The following MYO3B variants were observed in gnomAD, a reference collection of about 807,000 sequenced individuals.
The protein encoded by MYO3B is myosin IIIB.
Under a neutral mutation model 174.6 loss-of-function variants are expected in MYO3B, and 156 were observed. That is an observed-to-expected ratio of 0.89 (90% CI 0.78 to 1.02). MYO3B has a LOEUF of 1.02. MYO3B is among the 50% of genes least tolerant of loss of function. The pLI is 0.00. For missense variants in MYO3B, 1,632 were observed against 1,639.4 expected (o/e 1.00, Z 0.08); for synonymous variants, 563 against 569.1 (o/e 0.99, Z 0.15).
chr2:170,569,422 C>T (rs1421081211), intron 32 of MYO3B, among the ~76,000 whole-genome samples: 1 of 152,030 alleles, frequency 6.6e-6, no homozygotes, highest in Non-Finnish European at 1.5e-5. Context: ...ATCTGTGGAC[C>T]TGAACTTGAA....
intron 13 of MYO3B, 55 bp downstream of exon 13, chr2:170,386,327 C>A: frequency 7.0e-7 from 1 of 1,419,492 alleles, no homozygotes; most frequent in Non-Finnish European, 9.9e-7. Context: ...AGAGTAACTG[C>A]ATATTTGATA....
At position 170,279,902 on chromosome 2, in the gene MYO3B, T is replaced by C. The variant is rs113404938; in HGVS notation, c.749+43766T>C. Among the ~76,000 whole-genome samples the C allele has an allele frequency of 4.5e-3, 685 of 152,338 alleles. 8 individuals are homozygous for C. The highest frequency in any genetic ancestry group is 0.016 in the African/African-American group (648 of 41,582). ...TTAGGTTGATTCCATGTCTTTGCTA[T>C]TGTGAATAGAGCTGCAGTAAACATT... is the stretch of plus-strand genomic sequence containing the variant. On this transcript the variant is annotated intron_variant, in intron 7 of 34. Transcript: ENST00000408978.
Position 170,413,082 on chromosome 2 carries a change from C to A in MYO3B, c.2650+5238C>A, listed in dbSNP as rs10497372. On this transcript the variant is annotated intron_variant, in intron 22 of 34. Coordinates refer to ENST00000408978, the MANE Select transcript of MYO3B (RefSeq NM_138995.5). ...AATCCCAAAATGTATAAAAGATGAA[C>A]AAAAAATCTACATTCTGAACAGGCA... 3.3e-5 allele frequency among the ~76,000 whole-genome samples: 5 copies of A among 152,026 alleles called. No individual in the cohort carries two copies. The South Asian group carries it at 6.2e-4, about 19-fold the overall frequency.
chr2:170,400,629 T>C (rs1394748340), intron 17 of MYO3B, among the ~76,000 whole-genome samples: 1 of 124,154 alleles, frequency 8.1e-6, no homozygotes, highest in South Asian at 3.1e-4. Flanking sequence ...GGTCTTGAAC[T>C]CCTGACCTCA....
chr2:170,448,769 A>G (rs1192907400), intron 23 of MYO3B, among the ~76,000 whole-genome samples: 3 of 149,588 alleles, frequency 2.0e-5, no homozygotes, highest in African/African-American at 7.4e-5. Flanking sequence ...CTCAAGAACA[A>G]CTAACAACAG....
chr2:170,395,985 T>A (rs533653870), intron 16 of MYO3B, among the ~76,000 whole-genome samples: 62 of 152,292 alleles, frequency 4.1e-4, no homozygotes, highest in African/African-American at 1.4e-3. Context: ...GAAGAAAATA[T>A]CAGACATCCT....
At chr2:170,368,916 G>A (rs766764438) in intron 8 of MYO3B, among the ~76,000 whole-genome samples, 12 of 152,108 alleles carry the variant, frequency 7.9e-5, no homozygotes, top group South Asian at 4.1e-4. Context: ...ATGAAAATGC[G>A]GATAGAAAAT....
chr2:170,422,715 C>G (rs1386259222), intron 22 of MYO3B, among the ~76,000 whole-genome samples: 1 of 151,920 alleles, frequency 6.6e-6, no homozygotes, highest in Admixed American at 6.6e-5. Context: ...CTTGGCCCCC[C>G]AAAGTGCTGG....
chr2:170,264,107 C>T (rs1358877560), intron 7 of MYO3B, among the ~76,000 whole-genome samples: 1 of 152,184 alleles, frequency 6.6e-6, no homozygotes, highest in African/African-American at 2.4e-5. Flanking sequence ...AACCTTGAGT[C>T]AACACAGCAC....
intron 32 of MYO3B, among the ~76,000 whole-genome samples, chr2:170,651,242 C>T (rs1244427556): frequency 6.6e-6 from 1 of 152,172 alleles, no homozygotes; most frequent in African/African-American, 2.4e-5. Flanking sequence ...TTTTTGAACT[C>T]TCATTGCAGG....
chr2:170,534,944 A>T (rs1166737805), intron 30 of MYO3B, among the ~76,000 whole-genome samples: 2 of 152,174 alleles, frequency 1.3e-5, no homozygotes, highest in African/African-American at 4.8e-5. Flanking sequence ...GTATTCAGGG[A>T]TATCAATTCC....
intron 9 of MYO3B, among the ~76,000 whole-genome samples, chr2:170,370,624 TACACACACACACACACACACAC>T (rs55790344): frequency 1.4e-3 from 180 of 129,544 alleles, no homozygotes; most frequent in African/African-American, 4.0e-3. Context: ...ACCACCCACC[TACACACACACACACACACACAC>T]ACACACACAC....
chr2:170,220,771 A>T (rs895823903), intron 6 of MYO3B, among the ~76,000 whole-genome samples: 1 of 152,076 alleles, frequency 6.6e-6, no homozygotes, highest in Admixed American at 6.6e-5. Context: ...CAGTGGATCA[A>T]TTGAAAAGTA....
intron 27 of MYO3B, 111 bp downstream of exon 27, chr2:170,499,919 TC>T (rs1275689560): frequency 6.7e-6 from 5 of 749,710 alleles, no homozygotes; most frequent in African/African-American, 5.4e-5. Flanking sequence ...CCCTTCCTTC[TC>T]CCCTCCCTCC....
At chr2:170,304,980 A>G (rs1199486194) in intron 7 of MYO3B, among the ~76,000 whole-genome samples, 1 of 149,226 alleles carries the variant, frequency 6.7e-6, no homozygotes, top group Non-Finnish European at 1.5e-5. Context: ...TTTGAATTCT[A>G]TTTCATGCTT....
At chr2:170,463,235 G>A in intron 23 of MYO3B, 133 bp from the exon 24 acceptor site, 1 of 642,660 alleles carries the variant, frequency 1.6e-6, no homozygotes, top group Non-Finnish European at 2.7e-6. Context: ...TCTCCCCACA[G>A]TATACACTAT....
chr2:170,463,685 GCCA>G, intron 24 of MYO3B, among the ~76,000 whole-genome samples: 1 of 151,940 alleles, frequency 6.6e-6, no homozygotes, highest in African/African-American at 2.4e-5. Flanking sequence ...ACTAGAGGCA[GCCA>G]CTTTTCTAGC....
At chr2:170,320,657 A>G (rs1430091143) in intron 7 of MYO3B, among the ~76,000 whole-genome samples, 1 of 151,824 alleles carries the variant, frequency 6.6e-6, no homozygotes, top group Non-Finnish European at 1.5e-5. Context: ...GATATATGTT[A>G]TGTATGTCAT....
intron 7 of MYO3B, among the ~76,000 whole-genome samples, chr2:170,292,952 A>G (rs934165534): frequency 3.3e-5 from 5 of 152,074 alleles, no homozygotes; most frequent in African/African-American, 1.2e-4. Context: ...GGGAAAGCTG[A>G]TTTACCACCT....
Sources: gnomAD v4.1 joint callset for allele counts (sites outside exome capture counted in the v4.1 genomes callset) on GRCh38, gnomAD v4.1.1 for gene constraint, MANE v1.5 for transcripts, NCBI Gene and HGNC (gene_info 2026-07-23, HGNC 2026-07-21) for gene names.